GABRB1: variants seen among roughly 807,000 people sequenced by gnomAD.
GABRB1 encodes gamma-aminobutyric acid type A receptor subunit beta1.
GABRB1 carries 17 observed loss-of-function variants against 51.6 expected under a neutral mutation model. That is an observed-to-expected ratio of 0.33 (90% CI 0.23 to 0.49). GABRB1 has a LOEUF of 0.49. Among genes scored for constraint, GABRB1 ranks in the 20% least tolerant of loss-of-function variants. The probability of loss-of-function intolerance (pLI) is 0.99; values close to 1 mark genes in which losing one functional copy is unlikely to be tolerated. For synonymous variants in GABRB1, 247 were observed against 218.9 expected (o/e 1.13, Z -1.14); for missense variants, 410 against 600.6 (o/e 0.68, Z 3.32).
chr4:47,270,041 G>T (rs1032163452), intron 4 of GABRB1, among the ~76,000 whole-genome samples: 1 of 150,596 alleles, frequency 6.6e-6, no homozygotes, highest in Non-Finnish European at 1.5e-5. Context: ...CAACCTAATT[G>T]GTCAGTCTTT....
chr4:47,300,618 C>CT (rs1724223156), intron 4 of GABRB1, among the ~76,000 whole-genome samples: 1 of 151,620 alleles, frequency 6.6e-6, no homozygotes, highest in Non-Finnish European at 1.5e-5. Flanking sequence ...AGGTAAAGAC[C>CT]TTTTTAAATT....
intron 5 of GABRB1, among the ~76,000 whole-genome samples, chr4:47,363,426 C>T (rs757676222): frequency 2.0e-5 from 3 of 151,940 alleles, no homozygotes; most frequent in East Asian, 1.9e-4. Flanking sequence ...ATCTCAGGCC[C>T]GAAAATCAGT....
rs149852387 is a variant in GABRB1, at chr4:47,368,005, T to C, written c.545-35313T>C. ...TATCTATCGCAACAGTAACGGACTT[T>C]CCATAACTAGAACCCTAAAGATGAA... On this transcript the variant is annotated intron_variant, in intron 5 of 8. Transcript: ENST00000295454. Among the ~76,000 whole-genome samples the C allele has an allele frequency of 7.4e-3, 1,132 of 152,278 alleles. 11 individuals carry two copies. The highest frequency in any genetic ancestry group is 0.019 in the African/African-American group (800 of 41,538).
At chr4:47,413,468 A>C (rs1728823464) in intron 8 of GABRB1, among the ~76,000 whole-genome samples, 1 of 152,240 alleles carries the variant, frequency 6.6e-6, no homozygotes, top group Non-Finnish European at 1.5e-5. Flanking sequence ...AGTTACATTA[A>C]TAATGCAAAC....
intron 3 of GABRB1, among the ~76,000 whole-genome samples, chr4:47,139,821 G>A (rs1235598382): frequency 1.3e-5 from 2 of 151,940 alleles, no homozygotes; most frequent in Non-Finnish European, 2.9e-5. Flanking sequence ...CTGAGCTTCT[G>A]CATTTCCAAC....
At chr4:47,155,916 C>CATCTCTATATATATATATAT (rs1717672435) in intron 3 of GABRB1, among the ~76,000 whole-genome samples, 1 of 73,602 alleles carries the variant, frequency 1.4e-5, no homozygotes, top group Non-Finnish European at 3.1e-5. Context: ...GAGGTATTTT[C>CATCTCTATATATATATATAT]ATATATATAT....
intron 5 of GABRB1, among the ~76,000 whole-genome samples, chr4:47,352,920 C>T (rs1028362558): frequency 6.6e-6 from 1 of 152,148 alleles, no homozygotes; most frequent in Admixed American, 6.6e-5. Flanking sequence ...ATGTATTAGT[C>T]TGTTTTCATG....
chr4:47,352,048 T>A (rs1376430541), intron 5 of GABRB1, among the ~76,000 whole-genome samples: 1 of 152,050 alleles, frequency 6.6e-6, no homozygotes, highest in African/African-American at 2.4e-5. Context: ...TGTTCCTATT[T>A]CTCCACATCC....
At chr4:47,204,053 T>TA (rs1270063654) in intron 4 of GABRB1, among the ~76,000 whole-genome samples, 2 of 152,144 alleles carry the variant, frequency 1.3e-5, no homozygotes, top group African/African-American at 2.4e-5. Flanking sequence ...GGCTGAGAAA[T>TA]AAAAAACTGA....
At chr4:47,184,013 T>C (rs1167488191) in intron 4 of GABRB1, among the ~76,000 whole-genome samples, 1 of 151,980 alleles carries the variant, frequency 6.6e-6, no homozygotes, top group African/African-American at 2.4e-5. Context: ...CTAATTCATC[T>C]ACATTTGAGT....
intron 5 of GABRB1, among the ~76,000 whole-genome samples, chr4:47,387,320 C>G (rs1044042756): frequency 1.2e-4 from 18 of 152,080 alleles, no homozygotes; most frequent in Admixed American, 1.0e-3. Flanking sequence ...AATTAGATGG[C>G]CTAATTTTTT....
At chr4:47,132,691 A>G (rs774630072) in intron 3 of GABRB1, among the ~76,000 whole-genome samples, 3 of 152,190 alleles carry the variant, frequency 2.0e-5, no homozygotes, top group Non-Finnish European at 4.4e-5. Flanking sequence ...TTCTTGAACG[A>G]AGGAAAATAG....
At chr4:47,257,213 A>T (rs1722247440) in intron 4 of GABRB1, among the ~76,000 whole-genome samples, 1 of 152,160 alleles carries the variant, frequency 6.6e-6, no homozygotes, top group African/African-American at 2.4e-5. Context: ...AATAGGACCT[A>T]TCTATACAAC....
chr4:47,130,378 T>C (rs193233058), intron 3 of GABRB1, among the ~76,000 whole-genome samples: 16 of 134,046 alleles, frequency 1.2e-4, no homozygotes, highest in South Asian at 9.8e-4. Context: ...TGTGTGTGTG[T>C]GCTTTCTTTT....
intron 4 of GABRB1, among the ~76,000 whole-genome samples, chr4:47,218,223 T>C (rs1196126001): frequency 6.6e-6 from 1 of 151,902 alleles, no homozygotes; most frequent in African/African-American, 2.4e-5. Flanking sequence ...ATGTGTTCTT[T>C]ATCCATTCAT....
intron 3 of GABRB1, among the ~76,000 whole-genome samples, chr4:47,142,613 C>G (rs886844676): frequency 6.6e-6 from 1 of 151,826 alleles, no homozygotes; most frequent in African/African-American, 2.4e-5. Flanking sequence ...GAATTGAAGG[C>G]AGACAAATTA....
At chr4:47,409,912 G>C (rs1219239291) in intron 8 of GABRB1, among the ~76,000 whole-genome samples, 3 of 152,232 alleles carry the variant, frequency 2.0e-5, no homozygotes, top group African/African-American at 7.2e-5. Flanking sequence ...CCTATGTCAT[G>C]TCAGATCTAG....
At chr4:47,262,554 G>T (rs537245459) in intron 4 of GABRB1, among the ~76,000 whole-genome samples, 1 of 152,156 alleles carries the variant, frequency 6.6e-6, no homozygotes, top group African/African-American at 2.4e-5. Context: ...ACAGGTGCTG[G>T]AGAGGATGTG....
intron 3 of GABRB1, among the ~76,000 whole-genome samples, chr4:47,142,555 A>G (rs1164136233): frequency 6.6e-6 from 1 of 151,904 alleles, no homozygotes; most frequent in Non-Finnish European, 1.5e-5. Context: ...TTGTTTTATA[A>G]CATGATTACT....
Sources: gnomAD v4.1 joint callset for allele counts (sites outside exome capture counted in the v4.1 genomes callset) on GRCh38, gnomAD v4.1.1 for gene constraint, MANE v1.5 for transcripts, NCBI Gene and HGNC (gene_info 2026-07-23, HGNC 2026-07-21) for gene names.